KIAA1217: variants seen among roughly 807,000 people sequenced by gnomAD.
KIAA1217 encodes the protein sickle tail protein homolog.
KIAA1217 carries 88 observed loss-of-function variants against 163.9 expected under a neutral mutation model. The ratio of observed to expected loss-of-function variants is 0.54; its 90% CI spans 0.45 to 0.64. KIAA1217 has a LOEUF of 0.64. KIAA1217 is among the 30% of genes least tolerant of loss of function. KIAA1217 has a pLI of 0.00. For synonymous variants in KIAA1217, 903 were observed against 923.1 expected (o/e 0.98, Z 0.39); for missense variants, 2,372 against 2,475.0 (o/e 0.96, Z 0.88).
intron 1 of KIAA1217, among the ~76,000 whole-genome samples, chr10:23,830,435 T>A (rs1588903836): frequency 6.6e-6 from 1 of 152,256 alleles, no homozygotes; most frequent in South Asian, 2.1e-4. Context: ...AAGAATTTAA[T>A]AGTAGAATTT....
chr10:23,881,748 G>C (rs953882582), intron 1 of KIAA1217, among the ~76,000 whole-genome samples: 1 of 151,930 alleles, frequency 6.6e-6, no homozygotes, highest in Non-Finnish European at 1.5e-5. Flanking sequence ...TGGATATGTT[G>C]CTCCATGCCT....
chr10:24,379,195 A>G (rs926591712), intron 2 of KIAA1217, among the ~76,000 whole-genome samples: 4 of 152,194 alleles, frequency 2.6e-5, no homozygotes, highest in African/African-American at 9.6e-5. Flanking sequence ...GGAGGAAGCT[A>G]CTTCACTGAG....
chr10:23,716,518 C>A (rs768726068), intron 1 of KIAA1217, among the ~76,000 whole-genome samples: 2 of 152,108 alleles, frequency 1.3e-5, no homozygotes, highest in Non-Finnish European at 1.5e-5. Flanking sequence ...ACAGTGTGAA[C>A]CTGCTTTGTC....
intron 1 of KIAA1217, among the ~76,000 whole-genome samples, chr10:23,837,088 CCTT>C (rs1838501946): frequency 2.0e-5 from 3 of 152,170 alleles, no homozygotes; most frequent in African/African-American, 7.2e-5. Context: ...TTTAGCTCCT[CCTT>C]ATAAGCGAGA....
chr10:24,017,571 T>G (rs1260833269), intron 2 of KIAA1217, among the ~76,000 whole-genome samples: 1 of 152,204 alleles, frequency 6.6e-6, no homozygotes, highest in East Asian at 1.9e-4. Context: ...ACTATAATTT[T>G]CCATTTAAAC....
rs1222722500 is a variant in KIAA1217, at chr10:23,758,041, C to T, written c.-321+62807C>T. Reference sequence around the variant, plus strand: ...TCCTTTAATAGTGCCTTTTGATGCACAAAATTTTTAAATTTTGATGGAATC... The same window carrying T: ...TCCTTTAATAGTGCCTTTTGATGCATAAAATTTTTAAATTTTGATGGAATC... On this transcript the variant is annotated intron_variant, in intron 1 of 18. Coordinates refer to the KIAA1217 transcript ENST00000376462. 2.0e-5 allele frequency among the ~76,000 whole-genome samples: 3 copies of T among 152,158 alleles called. No homozygotes were observed. The South Asian group carries it at 6.2e-4, about 32-fold the overall frequency.
intron 2 of KIAA1217, among the ~76,000 whole-genome samples, chr10:24,298,602 A>G (rs542165325): frequency 1.1e-4 from 17 of 152,290 alleles, no homozygotes; most frequent in Admixed American, 3.3e-4. Flanking sequence ...GTTTGAGACC[A>G]GCCTGGTCAA....
intron 2 of KIAA1217, among the ~76,000 whole-genome samples, chr10:24,076,066 A>G (rs1174300198): frequency 6.6e-6 from 1 of 152,136 alleles, no homozygotes; most frequent in Non-Finnish European, 1.5e-5. Context: ...TGGGGGGAGT[A>G]GGGCCTCTGA....
At chr10:24,509,914 C>T (rs570765548) in intron 9 of KIAA1217, among the ~76,000 whole-genome samples, 1 of 152,212 alleles carries the variant, frequency 6.6e-6, no homozygotes, top group Non-Finnish European at 1.5e-5. Flanking sequence ...TCTTCATCCT[C>T]ATTGTCTTCT....
intron 1 of KIAA1217, among the ~76,000 whole-genome samples, chr10:23,729,689 C>T (rs1838365403): frequency 1.3e-5 from 2 of 152,094 alleles, no homozygotes; most frequent in South Asian, 4.1e-4. Context: ...GGATAAGCTG[C>T]CTTATCAGAT....
In KIAA1217 at chr10:24,546,487, CGTTTT is replaced by C; in HGVS notation, c.*168_*172del. The stretch of plus-strand genomic sequence containing the variant: ...TTAATAGATTTCAGTAAAGCTCGTT[CGTTTT>C]GTTTGGTTTTCTTTTTACCTAGTTG... On this transcript the variant is annotated 3_prime_UTR_variant, in exon 21 of 21. Transcript: ENST00000376454. 4 of 807,036 alleles carry C rather than the reference CGTTTT, an allele frequency of 5.0e-6. No individual in the cohort carries two copies. The South Asian group carries it at 6.0e-5, about 12-fold the overall frequency. 50.0% of individuals were successfully genotyped at this position (807,036 alleles called of 1,614,324 possible).
chr10:24,431,583 A>C (rs995284032), intron 3 of KIAA1217, among the ~76,000 whole-genome samples: 1 of 152,160 alleles, frequency 6.6e-6, no homozygotes, highest in African/African-American at 2.4e-5. Flanking sequence ...GTTCTTCAGC[A>C]TGTGACCTCC....
At chr10:24,049,368 A>G (rs950096613) in intron 2 of KIAA1217, among the ~76,000 whole-genome samples, 7 of 152,172 alleles carry the variant, frequency 4.6e-5, no homozygotes, top group Admixed American at 3.3e-4. Flanking sequence ...AGAAACCTAA[A>G]GATCGTATAA....
intron 2 of KIAA1217, among the ~76,000 whole-genome samples, chr10:24,363,607 C>T (rs1260717205): frequency 2.0e-5 from 3 of 149,742 alleles, no homozygotes; most frequent in Non-Finnish European, 4.4e-5. Flanking sequence ...CTCTGTTGAC[C>T]GAGCTGGAGT....
At chr10:24,073,548 G>A (rs968662928) in intron 2 of KIAA1217, among the ~76,000 whole-genome samples, 5 of 152,160 alleles carry the variant, frequency 3.3e-5, no homozygotes, top group East Asian at 1.9e-4. Flanking sequence ...AAAACATGTC[G>A]AGGGCTTAGG....
chr10:23,970,052 T>G (rs931478629), intron 1 of KIAA1217, among the ~76,000 whole-genome samples: 47 of 152,298 alleles, frequency 3.1e-4, no homozygotes, highest in African/African-American at 1.1e-3. Flanking sequence ...CGTGATTCGA[T>G]TATCTCCCAC....
intron 1 of KIAA1217, among the ~76,000 whole-genome samples, chr10:23,751,155 G>A (rs1456459432): frequency 6.6e-6 from 1 of 152,014 alleles, no homozygotes; most frequent in Admixed American, 6.6e-5. Context: ...AGCCTCCCGA[G>A]TAGCTGAGAT....
At chr10:23,941,949 A>C (rs574973703) in intron 1 of KIAA1217, among the ~76,000 whole-genome samples, 1 of 152,272 alleles carries the variant, frequency 6.6e-6, no homozygotes, top group African/African-American at 2.4e-5. Context: ...ATCTTCCACA[A>C]CGTCAGGACA....
intron 1 of KIAA1217, among the ~76,000 whole-genome samples, chr10:23,850,216 C>A (rs955106264): frequency 9.2e-5 from 14 of 152,062 alleles, no homozygotes; most frequent in African/African-American, 3.4e-4. Flanking sequence ...ATAGTTCACT[C>A]CATGGTTAAC....
Sources: allele counts gnomAD v4.1 joint callset (sites outside exome capture counted in the v4.1 genomes callset), GRCh38; gene constraint gnomAD v4.1.1; transcripts MANE v1.5; gene names NCBI Gene and HGNC (gene_info 2026-07-23, HGNC 2026-07-21).